Variants in CSMD3 observed in about 807,000 individuals in gnomAD.
CSMD3 encodes CUB and sushi domain-containing protein 3.
Under a neutral mutation model 435.2 loss-of-function variants are expected in CSMD3, and 177 were observed. That is an observed-to-expected ratio of 0.41 (90% CI 0.36 to 0.46). CSMD3 has a LOEUF of 0.46. Ranked by LOEUF, CSMD3 falls within the 20% of genes least tolerant of loss-of-function variation. The pLI, the probability that CSMD3 is intolerant of heterozygous loss-of-function variation, is 0.34. For synonymous variants in CSMD3, 1,656 were observed against 1,520.5 expected, an observed-to-expected ratio of 1.09 and a Z score of -2.07; for missense variants, 4,265 against 4,504.6, an observed-to-expected ratio of 0.95 and a Z score of 1.52.
chr8:112,626,634 C>T lies in CSMD3; in HGVS notation c.3715+10183G>A, dbSNP rs1295293051. Reference sequence around the variant, plus strand: ...CCCAGCTTCAAAATAATTTTAGGTACTGTCAGTCTATTCCAATTTCAATTA... The same window carrying T: ...CCCAGCTTCAAAATAATTTTAGGTATTGTCAGTCTATTCCAATTTCAATTA... On this transcript the variant is annotated intron_variant, in intron 22 of 70. Coordinates refer to ENST00000297405, the MANE Select transcript of CSMD3 (RefSeq NM_198123.2). Among the ~76,000 whole-genome samples the T allele has an allele frequency of 2.0e-5, 3 of 152,084 alleles. No homozygotes were observed. The East Asian group carries it at 5.8e-4, about 29-fold the overall frequency.
Position 112,689,868 on chromosome 8 carries a change from A to G in CSMD3, c.2155T>C (p.Phe719Leu), listed in dbSNP as rs2131823542. The G allele has an allele frequency of 6.2e-7, 1 of 1,612,490 alleles. No homozygotes were observed. Among genetic ancestry groups the G allele is most frequent in the Non-Finnish European group, 8.5e-7 (1 of 1,178,690 alleles). The change falls in exon 14 of 71, where the codon TTT becomes CTT. Residue 719 changes from phenylalanine (F) to leucine (L), a missense_variant and splice_region_variant. Physicochemically the swap from Phe to Leu is conservative, Grantham distance 22 (BLOSUM62 0). Coordinates refer to ENST00000297405, the MANE Select transcript of CSMD3 (RefSeq NM_198123.2). ...TGGAAGCAAAGCATTTGGTACTCAC[A>G]GATACAGATGGGTATGTTTGCAGAC... is the stretch of plus-strand genomic sequence containing the variant. Reference protein sequence around the residue: ...QWSANIPICIFPCLSNFTAPM... With the variant: ...QWSANIPICILPCLSNFTAPM...
chr8:113,012,857 C>G (rs574914541), intron 6 of CSMD3, among the ~76,000 whole-genome samples: 1 of 152,144 alleles, frequency 6.6e-6, no homozygotes, highest in South Asian at 2.1e-4. Context: ...CTTTTCATGT[C>G]ACACTCCTCC....
At chr8:112,319,270 G>C (rs1165414913) in intron 46 of CSMD3, among the ~76,000 whole-genome samples, 1 of 152,032 alleles carries the variant, frequency 6.6e-6, no homozygotes, top group Non-Finnish European at 1.5e-5. Flanking sequence ...CAAGTAGTTA[G>C]AAGGCTTTCT....
chr8:112,621,929 C>G (rs1280905497), intron 22 of CSMD3, among the ~76,000 whole-genome samples: 1 of 152,120 alleles, frequency 6.6e-6, no homozygotes, highest in East Asian at 1.9e-4. Context: ...TGTCTGGAGC[C>G]TAACAACCAT....
chr8:112,509,643 G>C (rs762145431), intron 28 of CSMD3, among the ~76,000 whole-genome samples: 33 of 151,946 alleles, frequency 2.2e-4, no homozygotes, highest in Middle Eastern at 3.4e-3. Context: ...GTGTTTCTGG[G>C]GTTTTCTTCT....
In CSMD3 at chr8:112,335,311, C is replaced by A. The variant is rs747654066; in HGVS notation, c.7165+18G>T. ...TAAACAGTAGCAAATGAAATAGGAA[C>A]TCTCAGATAATACCAACCGTGATAA... On this transcript the variant is annotated intron_variant, in intron 45 of 70. Coordinates refer to ENST00000297405, the MANE Select transcript of CSMD3 (RefSeq NM_198123.2). 6.2e-7 allele frequency: 1 copy of A among 1,611,136 alleles called. No homozygotes were observed. The highest frequency in any genetic ancestry group is 1.1e-5 in the South Asian group (1 of 91,020).
At chr8:113,350,957 T>C (rs1198051379) in intron 1 of CSMD3, among the ~76,000 whole-genome samples, 1 of 151,916 alleles carries the variant, frequency 6.6e-6, no homozygotes, top group Non-Finnish European at 1.5e-5. Flanking sequence ...AATTTCCATG[T>C]ACATTAAAAA....
chr8:112,292,850 A>T, intron 54 of CSMD3, 140 bp from the exon 55 acceptor site: 1 of 754,208 alleles, frequency 1.3e-6, no homozygotes, highest in Non-Finnish European at 2.3e-6. Context: ...ATATACGGAA[A>T]GTACATTTAC....
chr8:112,812,653 T>A (rs560735751), intron 12 of CSMD3, among the ~76,000 whole-genome samples: 1 of 152,208 alleles, frequency 6.6e-6, no homozygotes, highest in Non-Finnish European at 1.5e-5. Flanking sequence ...ATTGAGCTGC[T>A]GCAGTCCCGA....
chr8:113,205,281 C>G (rs1182060422), intron 3 of CSMD3, among the ~76,000 whole-genome samples: 1 of 152,106 alleles, frequency 6.6e-6, no homozygotes, highest in Admixed American at 6.6e-5. Context: ...CCGTGGCCGG[C>G]AGGGAACTCC....
chr8:112,859,297 A>T (rs776062487), intron 10 of CSMD3, 31 bp from the exon 11 acceptor site: 3 of 1,581,010 alleles, frequency 1.9e-6, no homozygotes, highest in Admixed American at 3.4e-5. Context: ...TAAAAGATGA[A>T]CATATGTCAC....
intron 13 of CSMD3, among the ~76,000 whole-genome samples, chr8:112,786,560 GA>G (rs373888424): frequency 0.011 from 1,644 of 144,940 alleles, 30 homozygotes; most frequent in African/African-American, 0.039. Context: ...AACTCAATAG[GA>G]AAAAAAAAAC....
rs138345658 is a variant in CSMD3, at chr8:113,111,439, A to T, written c.710-12476T>A. On this transcript the variant is annotated intron_variant, in intron 4 of 70. Coordinates refer to ENST00000297405, the MANE Select transcript of CSMD3 (RefSeq NM_198123.2). The stretch of plus-strand genomic sequence containing the variant: ...TCCCTGCTGTGCAATAGATCTTAAA[A>T]CTTATTCTAGTTTATCTGAAACTTT... 1.5e-4 allele frequency among the ~76,000 whole-genome samples: 23 copies of T among 152,128 alleles called. No individual in the cohort carries two copies. The East Asian group carries it at 4.1e-3, about 27-fold the overall frequency.
intron 28 of CSMD3, among the ~76,000 whole-genome samples, chr8:112,507,779 G>C (rs955693819): frequency 6.6e-6 from 1 of 152,044 alleles, no homozygotes; most frequent in Non-Finnish European, 1.5e-5. Flanking sequence ...TCATCACTAC[G>C]GTTTGGTAAT....
At chr8:112,341,406 A>T in intron 42 of CSMD3, 71 bp downstream of exon 42, 1 of 1,001,844 alleles carries the variant, frequency 1.0e-6, no homozygotes, top group Non-Finnish European at 1.5e-6. Context: ...GAAAATAATT[A>T]GACTCAGTTA....
intron 3 of CSMD3, among the ~76,000 whole-genome samples, chr8:113,241,371 G>C (rs1164680825): frequency 1.3e-5 from 2 of 151,964 alleles, no homozygotes; most frequent in African/African-American, 4.8e-5. Flanking sequence ...ACATATTTAA[G>C]GCACCTAGCA....
chr8:113,280,586 T>C (rs1262839346), intron 2 of CSMD3, among the ~76,000 whole-genome samples: 1 of 151,802 alleles, frequency 6.6e-6, no homozygotes, highest in Non-Finnish European at 1.5e-5. Context: ...GGTCTATCCA[T>C]TTTATCTTTT....
chr8:112,312,994 A>G (rs914243480), intron 49 of CSMD3, among the ~76,000 whole-genome samples: 1 of 152,138 alleles, frequency 6.6e-6, no homozygotes, highest in African/African-American at 2.4e-5. Context: ...GCTGATTCTG[A>G]GGGATTCTGC....
Position 112,380,342 on chromosome 8 carries a change from T to C in CSMD3, c.6136+10A>G. ...TAACCTTTTTGAATGGCACATGATA[T>C]TATTTTTACCTGTGTATTCAAGATG... is the stretch of plus-strand genomic sequence containing the variant. On this transcript the variant is annotated intron_variant, in intron 38 of 70. Coordinates refer to ENST00000297405, the MANE Select transcript of CSMD3 (RefSeq NM_198123.2). 1.4e-6 allele frequency: 2 copies of C among 1,420,022 alleles called. No homozygotes were observed. Among genetic ancestry groups the C allele is most frequent in the Non-Finnish European group, 2.0e-6 (2 of 1,003,906 alleles). The allele number at this position is 1,420,022 out of a possible 1,614,324, so 88.0% of individuals were successfully genotyped here. A position where few individuals can be genotyped will look rare whatever the true frequency, so the allele number is the denominator to read the frequency against.
Sources: gnomAD v4.1 joint callset for allele counts (sites outside exome capture counted in the v4.1 genomes callset) on GRCh38, gnomAD v4.1.1 for gene constraint, MANE v1.5 for transcripts, NCBI Gene and HGNC (gene_info 2026-07-23, HGNC 2026-07-21) for gene names.